NEBL: variants seen among roughly 807,000 people sequenced by gnomAD.
NEBL encodes the protein LIM and SH3 protein 2.
Under a neutral mutation model 140.2 loss-of-function variants are expected in NEBL, and 122 were observed. The ratio of observed to expected loss-of-function variants is 0.87; its 90% confidence interval spans 0.75 to 1.01. NEBL has a LOEUF of 1.01. NEBL is among the 50% of genes least tolerant of loss of function. NEBL has a pLI of 0.00. For synonymous variants in NEBL, 436 were observed against 398.9 expected (o/e 1.09, Z -1.11); for missense variants, 1,365 against 1,231.3 (o/e 1.11, Z -1.62).
chr10:21,262,877 C>A (rs1317527218), intron 1 of NEBL, among the ~76,000 whole-genome samples: 3 of 152,164 alleles, frequency 2.0e-5, no homozygotes, highest in African/African-American at 7.2e-5. Context: ...TTCTAAATAG[C>A]ACGTTTGTAG....
chr10:21,008,802 T>C (rs144485812), intron 3 of NEBL, among the ~76,000 whole-genome samples: 1,989 of 152,252 alleles, frequency 0.013, 51 homozygotes, highest in African/African-American at 0.046. Context: ...CGGTACTATC[T>C]GCAGTTTTCA....
intron 1 of NEBL, among the ~76,000 whole-genome samples, chr10:21,287,932 T>C (rs1221361649): frequency 6.6e-6 from 1 of 151,972 alleles, no homozygotes; most frequent in Admixed American, 6.6e-5. Context: ...TGAAAAAAAA[T>C]AGGCAGAGCA....
chr10:20,977,078 A>G (rs568778706), intron 3 of NEBL, among the ~76,000 whole-genome samples: 2 of 152,292 alleles, frequency 1.3e-5, no homozygotes, highest in East Asian at 3.9e-4. Flanking sequence ...AGTTTCAGTC[A>G]AAGATAAAGT....
chr10:20,963,103 G>A (rs1384056400), intron 3 of NEBL, among the ~76,000 whole-genome samples: 1 of 151,144 alleles, frequency 6.6e-6, no homozygotes, highest in African/African-American at 2.4e-5. Flanking sequence ...TCTTCTCTCT[G>A]TACTTTCGAT....
At chr10:21,040,367 T>C (rs1241258431) in intron 2 of NEBL, among the ~76,000 whole-genome samples, 2 of 151,952 alleles carry the variant, frequency 1.3e-5, no homozygotes, top group African/African-American at 4.8e-5. Context: ...AGGGTTTATT[T>C]GGCTGACAGT....
At chr10:21,146,879 A>G (rs1839916333) in intron 2 of NEBL, among the ~76,000 whole-genome samples, 1 of 152,198 alleles carries the variant, frequency 6.6e-6, no homozygotes. Flanking sequence ...ATCTGACTAA[A>G]CAGCTGTCGA....
intron 3 of NEBL, among the ~76,000 whole-genome samples, chr10:21,227,367 T>A (rs1399623744): frequency 2.0e-5 from 3 of 152,244 alleles, no homozygotes; most frequent in Admixed American, 1.3e-4. Flanking sequence ...ACTTGCCAGA[T>A]ATATAAATAA....
intron 10 of NEBL, among the ~76,000 whole-genome samples, chr10:20,851,535 G>A (rs2131063142): frequency 6.6e-6 from 1 of 151,942 alleles, no homozygotes; most frequent in Non-Finnish European, 1.5e-5. Context: ...CAGCACTTTG[G>A]GAGGCCAAGG....
intron 3 of NEBL, among the ~76,000 whole-genome samples, chr10:21,186,353 G>A (rs918038778): frequency 2.0e-5 from 3 of 150,488 alleles, no homozygotes; most frequent in Non-Finnish European, 2.9e-5. Flanking sequence ...TAAGATAATG[G>A]TATTCGGAAG....
intron 3 of NEBL, among the ~76,000 whole-genome samples, chr10:20,975,823 T>C (rs1211469054): frequency 2.0e-5 from 3 of 152,134 alleles, no homozygotes; most frequent in Non-Finnish European, 4.4e-5. Context: ...AATCTATGTG[T>C]CCATATAGAT....
rs576287819 is a variant in NEBL, at chr10:20,783,744, C to T, written c.*2003G>A. 3 of 152,608 alleles carry T rather than the reference C, an allele frequency of 2.0e-5. No individual in the cohort carries two copies. Among genetic ancestry groups the T allele is most frequent in the African/African-American group, 7.2e-5 (3 of 41,526 alleles). The allele number at this position is 152,608 out of a possible 1,614,324, so 9.5% of individuals were successfully genotyped here. ...GCAGGTATTTTATCCTCAGTTTTAA[C>T]GACAGATTTTTTTGCAAAAATATTG... is the stretch of plus-strand genomic sequence containing the variant. On this transcript the variant is annotated 3_prime_UTR_variant, in exon 28 of 28. Transcript: ENST00000377122.
At chr10:20,810,427 G>C (rs1328600897) in intron 24 of NEBL, among the ~76,000 whole-genome samples, 1 of 152,348 alleles carries the variant, frequency 6.6e-6, no homozygotes, top group East Asian at 1.9e-4. Context: ...ATGGTGGCAA[G>C]CCTAGTTTTC....
At position 21,213,468 on chromosome 10, in the gene NEBL, A is replaced by G. The variant is rs1217559974; in HGVS notation, n.348+34453T>C. The stretch of plus-strand genomic sequence containing the variant: ...AACAGTGTCTATAAAATGCACTTTC[A>G]AAACAACACTGTCTGAATGCCTCCT... On this transcript the variant is annotated intron_variant and non_coding_transcript_variant, in intron 3 of 8. Coordinates refer to the NEBL transcript ENST00000675702. Among the ~76,000 whole-genome samples, 3 of 152,362 alleles carry G rather than the reference A, an allele frequency of 2.0e-5. No individual in the cohort carries two copies. In the East Asian group the frequency reaches 5.8e-4, roughly 29 times the overall value.
At chr10:20,991,604 T>C (rs1401274685) in intron 3 of NEBL, among the ~76,000 whole-genome samples, 1 of 152,128 alleles carries the variant, frequency 6.6e-6, no homozygotes, top group Non-Finnish European at 1.5e-5. Context: ...GTTTTGTTTT[T>C]AATTTTTTTA....
rs187835415 is a variant in NEBL at position 20,943,618 on chromosome 10, C to T, written c.357+18054G>A. ...AAAAAAAAAAGTTGAAAGAGCCTTACGAATTTATCACATAATCCATATAGC... is the reference window on the plus strand; with the variant it reads ...AAAAAAAAAAGTTGAAAGAGCCTTATGAATTTATCACATAATCCATATAGC... On this transcript the variant is annotated intron_variant, in intron 4 of 6. Transcript: ENST00000417816. 2.1e-3 allele frequency among the ~76,000 whole-genome samples: 325 copies of T among 152,170 alleles called. 2 individuals carry two copies. Among genetic ancestry groups the T allele is most frequent in the Non-Finnish European group, 3.8e-3 (258 of 67,954 alleles).
At chr10:20,916,992 A>G (rs1345500935) in intron 4 of NEBL, among the ~76,000 whole-genome samples, 1 of 152,252 alleles carries the variant, frequency 6.6e-6, no homozygotes, top group African/African-American at 2.4e-5. Context: ...AATATAAAAT[A>G]TCCTAGGGAA....
At chr10:21,185,196 T>C (rs1841445528) in intron 3 of NEBL, among the ~76,000 whole-genome samples, 1 of 152,188 alleles carries the variant, frequency 6.6e-6, no homozygotes, top group South Asian at 2.1e-4. Context: ...TGTTTTGTTT[T>C]GTTCACATTT....
At chr10:20,911,611 G>A (rs1050118912) in intron 4 of NEBL, among the ~76,000 whole-genome samples, 1 of 152,122 alleles carries the variant, frequency 6.6e-6, no homozygotes, top group East Asian at 1.9e-4. Context: ...TTTAAAACTA[G>A]AGCATTTAAC....
chr10:21,233,249 T>C (rs1004844420), intron 3 of NEBL, among the ~76,000 whole-genome samples: 10 of 152,148 alleles, frequency 6.6e-5, no homozygotes, highest in Non-Finnish European at 1.0e-4. Context: ...GGTTTCATCA[T>C]GTTGCCCAGG....
Sources: gnomAD v4.1 joint callset for allele counts (sites outside exome capture counted in the v4.1 genomes callset) on GRCh38, gnomAD v4.1.1 for gene constraint, MANE v1.5 for transcripts, NCBI Gene and HGNC (gene_info 2026-07-23, HGNC 2026-07-21) for gene names.